EPN2: variants seen among roughly 807,000 people sequenced by gnomAD.
EPN2 encodes the protein epsin 2.
A neutral mutation model predicts 61.7 loss-of-function variants in EPN2; 34 were observed. That is an observed-to-expected ratio of 0.55 (90% confidence interval 0.42 to 0.73). The LOEUF is 0.73. Among genes scored for constraint, EPN2 ranks in the 30% least tolerant of loss-of-function variants. The pLI is 0.00. For missense variants in EPN2, 714 were observed against 839.2 expected (o/e 0.85, Z 1.84); for synonymous variants, 349 against 353.6 (o/e 0.99, Z 0.15).
chr17:19,328,857 G>A lies in EPN2; in HGVS notation c.1294G>A (p.Val432Ile), dbSNP rs1175048702. 1.9e-6 allele frequency: 3 copies of A among 1,612,920 alleles called. No homozygotes were observed. The African/African-American group carries it at 4.0e-5, about 22-fold the overall frequency. The change falls in exon 8 of 11, where the codon GTC becomes ATC. Residue 432 changes from valine to isoleucine, a missense_variant. Physicochemically the swap from Val to Ile is conservative, Grantham distance 29. This residue lies in a region of EPN2 where 410 missense variants were observed against 421.8 expected (regional missense o/e 0.97). Coordinates refer to ENST00000314728, the MANE Select transcript of EPN2 (RefSeq NM_014964.5). ...GKRASDAWGAVSTTKPVSVSG... is the reference protein window; with the variant it reads ...GKRASDAWGAISTTKPVSVSG... Reference sequence around the variant, plus strand: ...AAGAGCTTCTGACGCGTGGGGCGCAGTCTCCACCACCAAGCCCGTGTCTGT... The same window carrying A: ...AAGAGCTTCTGACGCGTGGGGCGCAATCTCCACCACCAAGCCCGTGTCTGT...
chr17:19,297,716 G>A (rs1221397784), intron 4 of EPN2, among the ~76,000 whole-genome samples: 3 of 152,146 alleles, frequency 2.0e-5, no homozygotes, highest in African/African-American at 7.2e-5. Flanking sequence ...GCCACTGGGG[G>A]GCCTAAACTA....
chr17:19,243,108 C>T (rs1363599743), intron 1 of EPN2, among the ~76,000 whole-genome samples: 1 of 152,146 alleles, frequency 6.6e-6, no homozygotes, highest in Non-Finnish European at 1.5e-5. Context: ...ATAGACTAGC[C>T]TTGTTTCTCA....
chr17:19,332,334 C>T (rs961576756), intron 10 of EPN2, among the ~76,000 whole-genome samples: 1 of 152,078 alleles, frequency 6.6e-6, no homozygotes, highest in African/African-American at 2.4e-5. Context: ...ACTTGGTGCC[C>T]CCCCAGTTGT....
chr17:19,265,909 C>A (rs192850377), intron 1 of EPN2, among the ~76,000 whole-genome samples: 5 of 152,312 alleles, frequency 3.3e-5, no homozygotes, highest in Non-Finnish European at 5.9e-5. Context: ...CCTTCTACCC[C>A]ACCCACACTG....
chr17:19,317,433 G>A (rs1028551958), intron 7 of EPN2, among the ~76,000 whole-genome samples: 2 of 152,186 alleles, frequency 1.3e-5, no homozygotes, highest in Non-Finnish European at 2.9e-5. Context: ...GCTGTCTTCC[G>A]CCCTGGCAGC....
rs368650097 is a variant in EPN2 at position 19,312,154 on chromosome 17, T to A, written c.972+10T>A. On this transcript the variant is annotated intron_variant, in intron 6 of 10. Coordinates refer to ENST00000314728, the MANE Select transcript of EPN2 (RefSeq NM_014964.5). ...TCCAAAAAAGAAAGAGGTAAGAGCTTGCTGGGAGGGTAGATGTTTCACCCT... is the reference window on the plus strand; with the variant it reads ...TCCAAAAAAGAAAGAGGTAAGAGCTAGCTGGGAGGGTAGATGTTTCACCCT... 6.3e-7 allele frequency: 1 copy of A among 1,599,422 alleles called. No individual in the cohort carries two copies. Among genetic ancestry groups the A allele is most frequent in the Non-Finnish European group, 8.6e-7 (1 of 1,166,986 alleles).
chr17:19,290,700 CAAAAAAAAAAAA>C (rs757256478), intron 4 of EPN2, among the ~76,000 whole-genome samples: 1 of 41,010 alleles, frequency 2.4e-5, no homozygotes, highest in Admixed American at 2.3e-4. Flanking sequence ...TTCCCGTTCT[CAAAAAAAAAAAA>C]AAAGAAAAAA....
chr17:19,305,703 C>T (rs930435798), intron 4 of EPN2, among the ~76,000 whole-genome samples: 1 of 152,140 alleles, frequency 6.6e-6, no homozygotes, highest in African/African-American at 2.4e-5. Context: ...GGGTGTCTCT[C>T]CCCCAGCACA....
At position 19,283,244 on chromosome 17, in the gene EPN2, A is replaced by T; in HGVS notation, c.125A>T (p.Glu42Val). The change falls in exon 3 of 11, where the codon GAG becomes GTG. Residue 42 changes from glutamate (E) to valine (V), a missense_variant. Around this residue, in one of 2 missense-constraint regions of EPN2, gnomAD observed 304 missense variants for 417.4 expected, o/e 0.73. Coordinates refer to ENST00000314728, the MANE Select transcript of EPN2 (RefSeq NM_014964.5). This position sits in a 1 kb window ranked among gnomAD's most constrained non-coding sequence, Gnocchi z 7.0. ...PWGPSSSLMT[E>V]IADLTYNVVA... ...GGCCCGTCCAGTTCTCTGATGACCGAGATTGCCGACCTGACCTACAACGTG... is the reference window on the plus strand; with the variant it reads ...GGCCCGTCCAGTTCTCTGATGACCGTGATTGCCGACCTGACCTACAACGTG... The T allele has an allele frequency of 6.2e-7, 1 of 1,614,170 alleles. No homozygotes were observed. Among genetic ancestry groups the T allele is most frequent in the Non-Finnish European group, 8.5e-7 (1 of 1,180,028 alleles).
intron 4 of EPN2, among the ~76,000 whole-genome samples, chr17:19,307,579 G>A (rs565347603): frequency 4.6e-5 from 7 of 152,288 alleles, no homozygotes; most frequent in African/African-American, 1.7e-4. Context: ...TCCTGACCTC[G>A]TGATCTGCCT....
At position 19,315,841 on chromosome 17, in the gene EPN2, G is replaced by T. The variant is rs929323292; in HGVS notation, c.1147+2562G>T. Among the ~76,000 whole-genome samples, 12 of 152,282 alleles carry T rather than the reference G, an allele frequency of 7.9e-5. No individual in the cohort carries two copies. In the East Asian group the frequency reaches 1.5e-3, roughly 20 times the overall value. On this transcript the variant is annotated intron_variant, in intron 7 of 10. Transcript: ENST00000314728. ...TGGTTTTCAGCACATTCACAATGTT[G>T]TGCAGCCACCATCAGATATCTAATT...
At chr17:19,308,962 G>A (rs1323950824) in intron 4 of EPN2, among the ~76,000 whole-genome samples, 1 of 150,880 alleles carries the variant, frequency 6.6e-6, no homozygotes, top group Non-Finnish European at 1.5e-5. Flanking sequence ...TCCAGGAGCT[G>A]CTTAGAAGTA....
chr17:19,271,567 T>TC (rs1310654602), intron 1 of EPN2: 2 of 152,252 alleles, frequency 1.3e-5, no homozygotes, highest in African/African-American at 4.8e-5. Flanking sequence ...TCACTGCCCA[T>TC]CCCGCAGTGC....
At chr17:19,237,684 C>T (rs2044829938) in intron 1 of EPN2, among the ~76,000 whole-genome samples, 153 bp downstream of exon 1, 2 of 152,240 alleles carry the variant, frequency 1.3e-5, no homozygotes, top group South Asian at 4.1e-4. Flanking sequence ...CTGGTCCCTA[C>T]GCCAGGCTCT....
At chr17:19,265,172 T>C (rs1287382238) in intron 1 of EPN2, among the ~76,000 whole-genome samples, 1 of 151,976 alleles carries the variant, frequency 6.6e-6, no homozygotes, top group Non-Finnish European at 1.5e-5. Flanking sequence ...ACAGGAGGAT[T>C]GCTTGAGCCC....
chr17:19,290,294 G>A (rs367595089), intron 4 of EPN2, among the ~76,000 whole-genome samples: 2 of 152,138 alleles, frequency 1.3e-5, no homozygotes, highest in Admixed American at 6.5e-5. Flanking sequence ...CATGTTACCC[G>A]CCCCCCGGGC....
chr17:19,291,849 C>G (rs182147653), intron 4 of EPN2, among the ~76,000 whole-genome samples: 103 of 152,282 alleles, frequency 6.8e-4, no homozygotes, highest in African/African-American at 2.4e-3. Context: ...AGAGGACTCT[C>G]TACGGAAGCT....
At chr17:19,296,933 A>T (rs1406490781) in intron 4 of EPN2, 1 of 152,182 alleles carries the variant, frequency 6.6e-6, no homozygotes, top group Non-Finnish European at 1.5e-5. Flanking sequence ...TTCCTTCTGG[A>T]CTTTTTCCCA....
intron 7 of EPN2, among the ~76,000 whole-genome samples, chr17:19,326,499 A>G (rs1906874271): frequency 6.6e-6 from 1 of 152,126 alleles, no homozygotes; most frequent in South Asian, 2.1e-4. Flanking sequence ...ATCCTGGCTA[A>G]CACGGTGAAA....
Sources: gnomAD v4.1 joint callset for allele counts (sites outside exome capture counted in the v4.1 genomes callset) on GRCh38, gnomAD v4.1.1 for gene constraint, gnomAD v4.1.1 regional missense constraint, Gnocchi (gnomAD v3.1) non-coding constraint, MANE v1.5 for transcripts, NCBI Gene and HGNC (gene_info 2026-07-23, HGNC 2026-07-21) for gene names.